Variants in RGPD3 observed in about 807,000 individuals in gnomAD.
RGPD3 encodes RANBP2 like and GRIP domain containing 3.
RGPD3 carries 62 observed loss-of-function variants against 154.5 expected under a neutral mutation model. The ratio of observed to expected loss-of-function variants is 0.40; its 90% CI spans 0.33 to 0.50. The LOEUF is 0.50. RGPD3 is among the 20% of genes least tolerant of loss of function. The pLI is 0.59. For missense variants in RGPD3, 919 were observed against 1,716.8 expected (o/e 0.54, Z 8.21); for synonymous variants, 308 against 607.0 (o/e 0.51, Z 7.24).
chr2:106,434,345 T>G lies in RGPD3; in HGVS notation c.2088A>C (p.Ala696=). 1 of 1,611,324 alleles carries G rather than the reference T, an allele frequency of 6.2e-7. No homozygotes were observed. The highest frequency in any genetic ancestry group is 2.2e-5 in the East Asian group (1 of 44,790). The part of the protein sequence containing the change: ...LIFHRKAEDI[A]NDALSPEEQE... ...GTTCTTCAGGAGAAAGGGCATCATT[T>G]GCAATGTCTTCTGCCTTCCTGTGAA... Residue 696 remains alanine, a synonymous_variant, in exon 15 of 23, where the codon GCA becomes GCC. Transcript: ENST00000409886.
At chr2:106,450,497 C>A (rs962275574) in intron 6 of RGPD3, among the ~76,000 whole-genome samples, 2 of 149,954 alleles carry the variant, frequency 1.3e-5, no homozygotes, top group African/African-American at 4.9e-5. Flanking sequence ...CGAGTGACTC[C>A]ATTCCCATGG....
intron 21 of RGPD3, among the ~76,000 whole-genome samples, chr2:106,414,251 T>C (rs1392015087): frequency 6.6e-6 from 1 of 152,156 alleles, no homozygotes; most frequent in Non-Finnish European, 1.5e-5. Context: ...TAGCGAACTT[T>C]GTCCTCAAAC....
chr2:106,467,055 C>G (rs1462089204), intron 1 of RGPD3, among the ~76,000 whole-genome samples: 1 of 123,804 alleles, frequency 8.1e-6, no homozygotes, highest in Non-Finnish European at 1.7e-5. Flanking sequence ...GTAACAGCGC[C>G]GGTCGGGAGC....
Position 106,424,623 on chromosome 2 carries a change from G to T in RGPD3, c.3344C>A (p.Thr1115Lys), listed in dbSNP as rs534325470. The T allele has an allele frequency of 2.4e-5, 39 of 1,611,700 alleles. No homozygotes were observed. In the Admixed American group the frequency reaches 4.8e-4, roughly 20 times the overall value. Residue 1115 changes from threonine to lysine, a missense_variant, in exon 20 of 23, where the codon ACG (threonine) becomes AAG (lysine). Physicochemically the swap from Thr to Lys is moderately conservative, Grantham distance 78 (BLOSUM62 -1). Coordinates refer to ENST00000409886, the MANE Select transcript of RGPD3 (RefSeq NM_001144013.2). ...VLKVCANHWI[T>K]TTMNLKPLSG... ...GAGGGGCTTCAGGTTCATTGTAGTC[G>T]TTATCCAATGATTAGCACACACTTT...
chr2:106,449,486 A>C (rs1678043719), intron 6 of RGPD3, among the ~76,000 whole-genome samples: 1 of 151,180 alleles, frequency 6.6e-6, no homozygotes, highest in Admixed American at 6.6e-5. Flanking sequence ...AAAAAAAAAA[A>C]AGCTATAATT....
chr2:106,470,876 C>T, upstream of RGPD3: 1 of 1,599,146 alleles, frequency 6.3e-7, no homozygotes, highest in Non-Finnish European at 8.5e-7. Context: ...TGGGCCGAGG[C>T]ATTGTGTTGG....
In RGPD3 at chr2:106,423,927, A is replaced by AC; in HGVS notation, c.4039dup (p.Val1347GlyfsTer5). 1.2e-6 allele frequency: 2 copies of AC among 1,611,826 alleles called. No homozygotes were observed. Among genetic ancestry groups the AC allele is most frequent in the Admixed American group, 3.3e-5 (2 of 59,982 alleles). ...TTGTTCATTTTCCTCACCACTGGAT[A>AC]CTTCAACTAGATCAGGTAAAGGAAC... On this transcript the variant is annotated frameshift_variant, in exon 20 of 23. Transcript: ENST00000409886. LOFTEE classifies it high-confidence loss of function.
chr2:106,468,752 G>C (rs62152557), upstream of RGPD3, among the ~76,000 whole-genome samples: 3 of 137,266 alleles, frequency 2.2e-5, no homozygotes, highest in East Asian at 2.6e-4. Flanking sequence ...GTTGCAGTAC[G>C]GTGAGATTGC....
intron 22 of RGPD3, among the ~76,000 whole-genome samples, chr2:106,406,931 G>A (rs542937987): frequency 8.1e-4 from 123 of 152,186 alleles, no homozygotes; most frequent in African/African-American, 2.7e-3. Context: ...TTTTATCTGC[G>A]TGTTATTTAC....
intron 22 of RGPD3, among the ~76,000 whole-genome samples, chr2:106,409,842 T>C (rs1676615761): frequency 6.7e-6 from 1 of 150,220 alleles, no homozygotes; most frequent in Non-Finnish European, 1.5e-5. Flanking sequence ...GAATTCTGTG[T>C]AATTTCTTTT....
chr2:106,450,881 CAAA>C (rs56400357), intron 6 of RGPD3, among the ~76,000 whole-genome samples: 1 of 38,370 alleles, frequency 2.6e-5, no homozygotes, highest in Non-Finnish European at 4.8e-5. Context: ...GACTCAGTCT[CAAA>C]AAAAAAAGAG....
At position 106,424,151 on chromosome 2, in the gene RGPD3, T is replaced by C. The variant is rs777869234; in HGVS notation, c.3816A>G (p.Pro1272=). Residue 1272 remains proline, a synonymous_variant, in exon 20 of 23, where the codon CCA becomes CCG. Transcript: ENST00000409886. ...TTTTTCTCACAGGGCTACTTGCCAA[T>C]GGAGAAGCATGTACTGAGCTACTAC... is the stretch of plus-strand genomic sequence containing the variant. ...SVSSSSVHAS[P]LASSPVRKNL... 6 of 1,609,150 alleles carry C rather than the reference T, an allele frequency of 3.7e-6. No homozygotes were observed. In the African/African-American group the frequency reaches 4.0e-5, roughly 11 times the overall value.
chr2:106,438,639 C>T (rs576526856), intron 9 of RGPD3, among the ~76,000 whole-genome samples: 21 of 151,978 alleles, frequency 1.4e-4, no homozygotes, highest in Non-Finnish European at 2.6e-4. Flanking sequence ...AAAAATTAGC[C>T]GGGCGTGGTG....
chr2:106,414,714 G>A (rs1232306205), intron 21 of RGPD3, among the ~76,000 whole-genome samples: 5 of 150,948 alleles, frequency 3.3e-5, no homozygotes, highest in Admixed American at 6.6e-5. Context: ...TTTATTAGTG[G>A]GAAAATGTTA....
intron 17 of RGPD3, among the ~76,000 whole-genome samples, chr2:106,430,393 G>A (rs1450758297): frequency 1.4e-5 from 1 of 69,788 alleles, no homozygotes; most frequent in East Asian, 1.2e-3. Context: ...TTAACCTGAC[G>A]TTCACCTCCA....
intron 6 of RGPD3, among the ~76,000 whole-genome samples, chr2:106,450,488 G>A (rs533397556): frequency 3.3e-5 from 5 of 150,356 alleles, no homozygotes; most frequent in East Asian, 2.0e-4. Context: ...AGATTCTCCC[G>A]AGTGACTCCA....
At chr2:106,448,105 T>A (rs1677988992) in intron 6 of RGPD3, among the ~76,000 whole-genome samples, 2 of 148,660 alleles carry the variant, frequency 1.3e-5, no homozygotes, top group African/African-American at 5.1e-5. Flanking sequence ...TTAAATAAAT[T>A]GTCTTTTTTT....
intron 6 of RGPD3, among the ~76,000 whole-genome samples, chr2:106,451,036 T>C (rs1015080937): frequency 4.0e-4 from 56 of 141,740 alleles, no homozygotes; most frequent in Non-Finnish European, 7.2e-4. Flanking sequence ...TTACAGTGAG[T>C]CAAGGTCGTG....
At chr2:106,435,862 A>G in intron 12 of RGPD3, among the ~76,000 whole-genome samples, 1 of 152,258 alleles carries the variant, frequency 6.6e-6, no homozygotes, top group Non-Finnish European at 1.5e-5. Flanking sequence ...TTTAATTTTC[A>G]GGCTGAATAA....
Sources: gnomAD v4.1 joint callset for allele counts (sites outside exome capture counted in the v4.1 genomes callset) on GRCh38, gnomAD v4.1.1 for gene constraint, MANE v1.5 for transcripts, NCBI Gene and HGNC (gene_info 2026-07-23, HGNC 2026-07-21) for gene names.